Variants in CLIP4 observed in about 807,000 individuals in gnomAD.
CLIP4 encodes CAP-Gly domain containing linker protein family member 4, also known as CAP-Gly domain-containing linker protein 4.
Under a neutral mutation model 73.1 loss-of-function variants are expected in CLIP4, and 47 were observed. The ratio of observed to expected loss-of-function variants is 0.64; its 90% CI spans 0.51 to 0.82. The LOEUF is 0.82. Among genes scored for constraint, CLIP4 ranks in the 40% least tolerant of loss-of-function variants. CLIP4 has a pLI of 0.00. For synonymous variants in CLIP4, 306 were observed against 295.4 expected (o/e 1.04, Z -0.37); for missense variants, 874 against 852.9 (o/e 1.02, Z -0.31).
Position 29,143,903 on chromosome 2 carries a change from T to G in CLIP4, c.843T>G (p.Leu281=). The stretch of plus-strand genomic sequence containing the variant: ...CTGGCAAGGCAATGCTTACGTCACT[T>G]GGCCTGAAGTTGGGGGATCGTGTTG... ...HVTGKAMLTS[L]GLKLGDRVVI... The change falls in exon 7 of 16, where the codon CTT becomes CTG. Residue 281 remains leucine, a synonymous_variant. Transcript: ENST00000320081. 1 of 1,614,070 alleles carries G rather than the reference T, an allele frequency of 6.2e-7. No homozygotes were observed. Among genetic ancestry groups the G allele is most frequent in the East Asian group, 2.2e-5 (1 of 44,892 alleles).
chr2:29,147,964 T>C (rs1245594181), intron 8 of CLIP4, among the ~76,000 whole-genome samples: 1 of 152,172 alleles, frequency 6.6e-6, no homozygotes, highest in Non-Finnish European at 1.5e-5. Flanking sequence ...CAAAAGCCTT[T>C]AGCAACACAT....
Position 29,153,240 on chromosome 2 carries a change from C to T in CLIP4, c.1165+412C>T, listed in dbSNP as rs1002516892. On this transcript the variant is annotated intron_variant, in intron 9 of 15. Transcript: ENST00000320081. Reference sequence around the variant, plus strand: ...CTTTCTTTATTGATAGAGTCTCACACGGCTTCCATAGGTGAACTATGGAAG... The same window carrying T: ...CTTTCTTTATTGATAGAGTCTCACATGGCTTCCATAGGTGAACTATGGAAG... Among the ~76,000 whole-genome samples the T allele has an allele frequency of 1.3e-4, 20 of 152,044 alleles. 1 individual carries two copies. Among genetic ancestry groups the T allele is most frequent in the African/African-American group, 4.8e-4 (20 of 41,410 alleles).
chr2:29,131,998 A>T (rs1665002947), intron 3 of CLIP4, 154 bp from the exon 4 acceptor site: 2 of 543,120 alleles, frequency 3.7e-6, no homozygotes, highest in Non-Finnish European at 6.4e-6. Context: ...GTACAGATTT[A>T]AAAATTTACC....
In CLIP4 at chr2:29,160,416, G is replaced by A. The variant is rs1034699134; in HGVS notation, c.1483G>A (p.Gly495Arg). The A allele has an allele frequency of 5.6e-6, 9 of 1,614,032 alleles. No homozygotes were observed. The highest frequency in any genetic ancestry group is 5.5e-5 in the South Asian group (5 of 91,086). The part of the protein sequence containing the change: ...LRLGERVLVV[G>R]QRLGTIRFFG... The stretch of plus-strand genomic sequence containing the variant: ...CCTCGGAGAGAGAGTGTTAGTGGTA[G>A]GACAGAGACTGGGCACCATTAGGTT... The change falls in exon 12 of 16, where the codon GGA becomes AGA. Residue 495 changes from glycine to arginine, a missense_variant. Physicochemically the swap from Gly to Arg is moderately radical, Grantham distance 125 (BLOSUM62 -2). Coordinates refer to ENST00000320081, the MANE Select transcript of CLIP4 (RefSeq NM_024692.6).
In CLIP4 at chr2:29,183,427, A is replaced by G. The variant is rs1277663198; in HGVS notation, c.*1534A>G. On this transcript the variant is annotated 3_prime_UTR_variant, in exon 16 of 16. Coordinates refer to ENST00000320081, the MANE Select transcript of CLIP4 (RefSeq NM_024692.6). Reference sequence around the variant, plus strand: ...TAAGGCTGCTTTGTAATCAAGGAATATTTTTATTGATTGAAGGAAATGACT... The same window carrying G: ...TAAGGCTGCTTTGTAATCAAGGAATGTTTTTATTGATTGAAGGAAATGACT... 3 of 152,626 alleles carry G rather than the reference A, an allele frequency of 2.0e-5. No homozygotes were observed. The highest frequency in any genetic ancestry group is 4.4e-5 in the Non-Finnish European group (3 of 68,024). The allele number at this position is 152,626 out of a possible 1,614,324, so 9.5% of individuals were successfully genotyped here. A position where few individuals can be genotyped will look rare whatever the true frequency, so the allele number is the denominator to read the frequency against.
rs144993547 is a variant in CLIP4 at position 29,107,278 on chromosome 2, C to T, written c.-16+9331C>T. Among the ~76,000 whole-genome samples the T allele has an allele frequency of 6.2e-3, 931 of 150,566 alleles. 29 individuals are homozygous for T. The highest frequency in any genetic ancestry group is 0.055 in the Admixed American group (828 of 14,988). ...CAGTGGTACTTTAGCAATATGTAAA[C>T]GCCTCAGATTTTCCTGTGTGTGTGT... On this transcript the variant is annotated intron_variant, in intron 1 of 14. Transcript: ENST00000401605.
rs766780192 is a variant in CLIP4 at position 29,156,433 on chromosome 2, A to T, written c.1245A>T (p.Thr415=). 3 of 1,573,662 alleles carry T rather than the reference A, an allele frequency of 1.9e-6. No homozygotes were observed. Among genetic ancestry groups the T allele is most frequent in the East Asian group, 4.6e-5 (2 of 43,054 alleles). The part of the protein sequence containing the change: ...LPPGEELKTV[T]EKDVALLGSV... ...CTGGTGAAGAACTTAAAACTGTGAC[A>T]GAGAAAGATGGTAATATACCTTGTA... Residue 415 remains threonine (T), a synonymous_variant, in exon 10 of 16, where the codon ACA becomes ACT. Transcript: ENST00000320081.
intron 15 of CLIP4, among the ~76,000 whole-genome samples, chr2:29,176,380 T>A (rs1668346536): frequency 6.6e-6 from 1 of 152,192 alleles, no homozygotes; most frequent in Non-Finnish European, 1.5e-5. Context: ...TGGAAATAAA[T>A]GATACTTTGA....
intron 15 of CLIP4, among the ~76,000 whole-genome samples, chr2:29,176,413 C>T (rs1668348235): frequency 6.6e-6 from 1 of 152,164 alleles, no homozygotes. Flanking sequence ...ATAATCTAGT[C>T]AGAGATGATG....
chr2:29,106,205 ACTTAT>A (rs200800113), intron 1 of CLIP4, among the ~76,000 whole-genome samples: 2,565 of 152,322 alleles, frequency 0.017, 40 homozygotes, highest in South Asian at 0.085. Flanking sequence ...TTAAAATGAT[ACTTAT>A]CTTATAGAAG....
chr2:29,122,285 A>C (rs1026684351), intron 2 of CLIP4, among the ~76,000 whole-genome samples: 1 of 149,884 alleles, frequency 6.7e-6, no homozygotes, highest in Non-Finnish European at 1.5e-5. Flanking sequence ...GCTTACCTAG[A>C]CCAGTCGTCA....
chr2:29,181,565 C>T lies in CLIP4; in HGVS notation c.1797-7C>T, dbSNP rs769837955. On this transcript the variant is annotated splice_polypyrimidine_tract_variant and splice_region_variant and intron_variant, in intron 15 of 15. Coordinates refer to ENST00000320081, the MANE Select transcript of CLIP4 (RefSeq NM_024692.6). The stretch of plus-strand genomic sequence containing the variant: ...AATAATTTTTCCCACTTTTCCCTTC[C>T]GCACAGATCGAAAGCTGCTTTGCGT... The T allele has an allele frequency of 5.0e-5, 80 of 1,595,702 alleles. No homozygotes were observed. Among genetic ancestry groups the T allele is most frequent in the Middle Eastern group, 1.7e-4 (1 of 5,992 alleles).
intron 11 of CLIP4, 185 bp downstream of exon 11, chr2:29,157,532 A>T (rs1001212707): frequency 2.2e-5 from 17 of 789,212 alleles, no homozygotes; most frequent in Non-Finnish European, 3.0e-5. Flanking sequence ...CGTCTCAGAT[A>T]TAAGACTTTG....
At chr2:29,125,577 C>A (rs768117597) in intron 2 of CLIP4, among the ~76,000 whole-genome samples, 1 of 152,154 alleles carries the variant, frequency 6.6e-6, no homozygotes, top group Non-Finnish European at 1.5e-5. Context: ...TCTGTCTCCT[C>A]AACTCAGCGA....
intron 14 of CLIP4, among the ~76,000 whole-genome samples, chr2:29,169,577 G>C (rs1573022723): frequency 6.6e-6 from 1 of 152,062 alleles, no homozygotes; most frequent in Non-Finnish European, 1.5e-5. Context: ...AACAGATGCT[G>C]ACTGTCTTTT....
intron 6 of CLIP4, among the ~76,000 whole-genome samples, 163 bp downstream of exon 6, chr2:29,135,829 A>AT (rs562600155): frequency 7.5e-4 from 114 of 152,320 alleles, no homozygotes; most frequent in Non-Finnish European, 1.1e-3. Flanking sequence ...TTTATTGTAA[A>AT]TAAATTTAAG....
At chr2:29,168,512 CTTTTTTTTTTT>C (rs35201336) in intron 14 of CLIP4, among the ~76,000 whole-genome samples, 1 of 66,776 alleles carries the variant, frequency 1.5e-5, no homozygotes, top group Non-Finnish European at 2.8e-5. Context: ...ATGGTTTGCC[CTTTTTTTTTTT>C]TTTTTTTTTT....
At chr2:29,104,922 C>A (rs926764133) in intron 1 of CLIP4, among the ~76,000 whole-genome samples, 2 of 152,096 alleles carry the variant, frequency 1.3e-5, no homozygotes, top group East Asian at 1.9e-4. Context: ...TGCAAGTGGG[C>A]GGCAAGCCAG....
intron 2 of CLIP4, among the ~76,000 whole-genome samples, chr2:29,122,177 G>A (rs1318511766): frequency 6.6e-6 from 1 of 151,650 alleles, no homozygotes; most frequent in Non-Finnish European, 1.5e-5. Flanking sequence ...AAAGTTATTG[G>A]ACTGAGAATT....
Sources: allele counts gnomAD v4.1 joint callset (sites outside exome capture counted in the v4.1 genomes callset), GRCh38; gene constraint gnomAD v4.1.1; transcripts MANE v1.5; gene names NCBI Gene and HGNC (gene_info 2026-07-23, HGNC 2026-07-21).